The following EDA variants were observed in gnomAD, a reference collection of about 807,000 sequenced individuals.
The protein encoded by EDA is ectodysplasin-A.
EDA carries 2 observed loss-of-function variants against 23.6 expected under a neutral mutation model. That is an observed-to-expected ratio of 0.08 (90% CI 0.03 to 0.27). EDA has a LOEUF of 0.27. EDA is among the 10% of genes least tolerant of loss of function. The pLI, the probability that EDA is intolerant of heterozygous loss-of-function variation, is 1.00. For missense variants in EDA, 229 were observed against 324.2 expected (o/e 0.71, Z 2.26); for synonymous variants, 131 against 132.0 (o/e 0.99, Z 0.05).
intron 1 of EDA, among the ~76,000 whole-genome samples, chrX:69,865,704 G>T (rs2017474942): frequency 1.8e-5 from 2 of 111,364 alleles, no homozygotes; most frequent in African/African-American, 6.5e-5. Flanking sequence ...TCCACCCCTT[G>T]TCAACTTGAA....
chrX:69,991,787 T>C (rs189720899), intron 2 of EDA, among the ~76,000 whole-genome samples: 1 of 112,290 alleles, frequency 8.9e-6, no homozygotes, highest in East Asian at 2.8e-4. Flanking sequence ...CTGTGTTGCC[T>C]TCTGCCATTG....
chrX:69,818,739 A>C (rs1450964185), intron 1 of EDA, among the ~76,000 whole-genome samples: 1 of 111,495 alleles, frequency 9.0e-6, no homozygotes, highest in Non-Finnish European at 1.9e-5. Flanking sequence ...CCTACCAACC[A>C]AAAAAAGCCC....
chrX:69,915,052 A>C (rs763007539), intron 1 of EDA, among the ~76,000 whole-genome samples: 1 of 112,202 alleles, frequency 8.9e-6, no homozygotes, highest in Admixed American at 9.5e-5. Flanking sequence ...TCTTTGTTAA[A>C]AGTAGAAGCT....
At chrX:69,666,474 C>T (rs1005914409) in intron 1 of EDA, among the ~76,000 whole-genome samples, 1 of 112,383 alleles carries the variant, frequency 8.9e-6, no homozygotes, top group African/African-American at 3.2e-5. Flanking sequence ...AACATTAATA[C>T]CTAAACTTTT....
chrX:69,681,461 A>G (rs778311002), intron 1 of EDA, among the ~76,000 whole-genome samples: 151 of 111,309 alleles, frequency 1.4e-3, no homozygotes, highest in African/African-American at 4.9e-3. Context: ...AGGTACACCA[A>G]TCAGATGTAG....
At chrX:69,753,169 A>G (rs2013960654) in intron 1 of EDA, among the ~76,000 whole-genome samples, 1 of 111,300 alleles carries the variant, frequency 9.0e-6, no homozygotes, top group East Asian at 2.8e-4. Context: ...TTGTGATGTT[A>G]GGGTGTCAAT....
intron 1 of EDA, among the ~76,000 whole-genome samples, chrX:69,767,275 G>T (rs2014497696): frequency 9.0e-6 from 1 of 111,191 alleles, no homozygotes; most frequent in South Asian, 3.8e-4. Flanking sequence ...TTTACAATTT[G>T]ATGCACACAC....
intron 2 of EDA, among the ~76,000 whole-genome samples, chrX:69,961,127 A>G (rs933087584): frequency 8.9e-6 from 1 of 111,968 alleles, no homozygotes; most frequent in African/African-American, 3.2e-5. Context: ...GGTGCCCGCC[A>G]CAACACCCAG....
chrX:69,942,140 G>A (rs1342681336), intron 1 of EDA, among the ~76,000 whole-genome samples: 1 of 111,232 alleles, frequency 9.0e-6, no homozygotes, highest in African/African-American at 3.3e-5. Flanking sequence ...TTATTATATT[G>A]TCTATGTCTT....
intron 1 of EDA, among the ~76,000 whole-genome samples, chrX:69,681,180 C>T (rs983045391): frequency 9.0e-5 from 10 of 111,472 alleles, no homozygotes; most frequent in East Asian, 5.6e-4. Context: ...AGAGTTTCTG[C>T]GGAGAGATCT....
At chrX:70,033,937 G>A (rs889347244) in intron 7 of EDA, among the ~76,000 whole-genome samples, 3 of 111,276 alleles carry the variant, frequency 2.7e-5, no homozygotes, top group East Asian at 2.8e-4. Context: ...CTGCTGGCTC[G>A]GACGTTGTAA....
intron 1 of EDA, among the ~76,000 whole-genome samples, chrX:69,953,728 T>G (rs2018960389): frequency 8.9e-6 from 1 of 112,430 alleles, no homozygotes; most frequent in South Asian, 3.6e-4. Context: ...GAACTAGTGA[T>G]ACATGCAACA....
rs1319467541 is a variant in EDA, at chrX:69,812,951, T to G, written c.397-144076T>G. ...TTTTTAGTTTTTGATGGTCATATTCTCCAGATGATGAAACTGTGTGTTCTT... is the reference window on the plus strand; with the variant it reads ...TTTTTAGTTTTTGATGGTCATATTCGCCAGATGATGAAACTGTGTGTTCTT... On this transcript the variant is annotated intron_variant, in intron 1 of 7. Coordinates refer to ENST00000374552, the MANE Select transcript of EDA (RefSeq NM_001399.5). 2.7e-5 allele frequency among the ~76,000 whole-genome samples: 3 copies of G among 111,646 alleles called. No homozygotes were observed. The Admixed American group carries it at 2.9e-4, about 11-fold the overall frequency.
At chrX:69,620,703 G>A (rs1253286613) in intron 1 of EDA, among the ~76,000 whole-genome samples, 2 of 111,828 alleles carry the variant, frequency 1.8e-5, no homozygotes, top group African/African-American at 6.5e-5. Flanking sequence ...TGTTATTGCT[G>A]TTGTTTTCAA....
intron 1 of EDA, among the ~76,000 whole-genome samples, chrX:69,894,218 G>A (rs2017974836): frequency 9.0e-6 from 1 of 110,834 alleles, no homozygotes. Context: ...TGGTTGTAGG[G>A]GACGGCTTTA....
chrX:69,888,347 A>G (rs931534433), intron 1 of EDA, among the ~76,000 whole-genome samples: 4 of 110,797 alleles, frequency 3.6e-5, no homozygotes, highest in African/African-American at 1.3e-4. Flanking sequence ...GAAAATCATC[A>G]TATCACAAAG....
At chrX:69,692,340 C>T (rs1934735586) in intron 1 of EDA, among the ~76,000 whole-genome samples, 1 of 111,534 alleles carries the variant, frequency 9.0e-6, no homozygotes, top group Non-Finnish European at 1.9e-5. Context: ...TTTATTCTAA[C>T]ACTGATGGTA....
intron 1 of EDA, among the ~76,000 whole-genome samples, chrX:69,833,202 G>A (rs1454653779): frequency 8.9e-6 from 1 of 111,904 alleles, no homozygotes; most frequent in Non-Finnish European, 1.9e-5. Context: ...TAATTATTTT[G>A]AGATATGTTC....
intron 2 of EDA, among the ~76,000 whole-genome samples, chrX:69,998,120 G>T (rs1487867474): frequency 1.8e-5 from 2 of 111,717 alleles, no homozygotes; most frequent in Non-Finnish European, 3.8e-5. Context: ...TCCACTGACT[G>T]CTTGCACCAT....
Sources: gnomAD v4.1 joint callset for allele counts (sites outside exome capture counted in the v4.1 genomes callset) on GRCh38, gnomAD v4.1.1 for gene constraint, MANE v1.5 for transcripts, NCBI Gene and HGNC (gene_info 2026-07-23, HGNC 2026-07-21) for gene names.